The following PRKAR1B variants were observed in gnomAD, a reference collection of about 807,000 sequenced individuals.
The protein encoded by PRKAR1B is cAMP-dependent protein kinase type I-beta regulatory subunit.
In PRKAR1B, 22 loss-of-function variants were observed where a neutral mutation model predicts 46.5. The observed-to-expected ratio is 0.47, with a 90% confidence interval of 0.34 to 0.68. The LOEUF is 0.68. Ranked by LOEUF, PRKAR1B falls within the 30% of genes least tolerant of loss-of-function variation. PRKAR1B has a pLI of 0.01. For synonymous variants in PRKAR1B, 259 were observed against 217.7 expected (o/e 1.19, Z -1.67); for missense variants, 445 against 535.6 (o/e 0.83, Z 1.67).
intron 2 of PRKAR1B, among the ~76,000 whole-genome samples, chr7:691,345 AC>A (rs1779414510): frequency 6.6e-6 from 1 of 152,202 alleles, no homozygotes; most frequent in African/African-American, 2.4e-5. Context: ...CAAGATCAGG[AC>A]CTCTCTGCCA....
At chr7:726,464 G>T in intron 1 of PRKAR1B, 1 of 351,156 alleles carries the variant, frequency 2.8e-6, no homozygotes, top group Non-Finnish European at 5.1e-6. Context: ...CCCGCATCCC[G>T]GGCGAGCTGC....
chr7:654,087 A>C (rs2128491385), intron 4 of PRKAR1B, among the ~76,000 whole-genome samples: 1 of 151,436 alleles, frequency 6.6e-6, no homozygotes, highest in South Asian at 2.1e-4. Flanking sequence ...CACCATCTTC[A>C]TCACGATCCT....
chr7:606,029 A>G (rs1308340107), intron 6 of PRKAR1B, among the ~76,000 whole-genome samples, 164 bp downstream of exon 6: 3 of 152,208 alleles, frequency 2.0e-5, no homozygotes, highest in African/African-American at 4.8e-5. Flanking sequence ...TCATATTCCC[A>G]TATTCTCTTC....
intron 4 of PRKAR1B, among the ~76,000 whole-genome samples, chr7:624,048 C>T (rs748713204): frequency 1.3e-4 from 20 of 152,212 alleles, no homozygotes; most frequent in African/African-American, 3.1e-4. Flanking sequence ...CAGATACCCA[C>T]GCCAGCCCTG....
intron 4 of PRKAR1B, among the ~76,000 whole-genome samples, chr7:631,539 G>A (rs550156770): frequency 6.6e-5 from 10 of 152,334 alleles, no homozygotes; most frequent in African/African-American, 2.4e-4. Flanking sequence ...CACAGCCCGA[G>A]GGGGAGAAAA....
chr7:727,146 C>T lies in PRKAR1B; in HGVS notation c.-23+64G>A, dbSNP rs1464201003. The T allele has an allele frequency of 2.7e-5, 34 of 1,257,258 alleles. No individual in the cohort carries two copies. The highest frequency in any genetic ancestry group is 1.8e-4 in the East Asian group (5 of 27,040). The allele number at this position is 1,257,258 out of a possible 1,614,324, so 77.9% of individuals were successfully genotyped here. The stretch of plus-strand genomic sequence containing the variant: ...CGCCCGAGGCCTGTGAGGAGCTGCG[C>T]CTGGCGCTTGTGCAGCTGCTGGGCC... On this transcript the variant is annotated intron_variant, in intron 1 of 10. Coordinates refer to ENST00000537384, the MANE Select transcript of PRKAR1B (RefSeq NM_001164760.2).
intron 1 of PRKAR1B, among the ~76,000 whole-genome samples, chr7:712,256 C>T (rs1780683851): frequency 6.7e-6 from 1 of 149,648 alleles, no homozygotes; most frequent in Non-Finnish European, 1.5e-5. Flanking sequence ...TCAGCGCCGG[C>T]GAGGACCCTC....
chr7:682,389 G>C (rs1778737263), intron 2 of PRKAR1B, among the ~76,000 whole-genome samples: 1 of 152,088 alleles, frequency 6.6e-6, no homozygotes, highest in Admixed American at 6.6e-5. Context: ...AGCACTTAGG[G>C]AGGATCATTT....
chr7:685,376 A>G lies in PRKAR1B; in HGVS notation c.178-4650T>C, dbSNP rs868542982. Among the ~76,000 whole-genome samples the G allele has an allele frequency of 5.1e-3, 101 of 19,998 alleles. 17 individuals carry two copies. Among genetic ancestry groups the G allele is most frequent in the African/African-American group, 0.022 (94 of 4,198 alleles). The allele number at this position is 19,998 out of a possible 152,430, so 13.1% of individuals were successfully genotyped here. A position where few individuals can be genotyped will look rare whatever the true frequency, so the allele number is the denominator to read the frequency against. On this transcript the variant is annotated intron_variant, in intron 2 of 10. Transcript: ENST00000537384. ...TACATATATATATACACATATATAT[A>G]TATACATACATATATATATATATAT...
intron 4 of PRKAR1B, among the ~76,000 whole-genome samples, chr7:626,550 C>G (rs564961358): frequency 6.6e-6 from 1 of 152,272 alleles, no homozygotes; most frequent in Admixed American, 6.5e-5. Context: ...GATGTGTTCA[C>G]TAGTTAATTC....
intron 4 of PRKAR1B, among the ~76,000 whole-genome samples, chr7:640,995 C>T (rs893436992): frequency 1.6e-4 from 25 of 152,156 alleles, no homozygotes; most frequent in Middle Eastern, 3.4e-3. Context: ...ACTCTGTCGC[C>T]CAGGCTGGAG....
At chr7:727,488 AC>A (rs1423855743), upstream of PRKAR1B, 1 of 245,970 alleles carries the variant, frequency 4.1e-6, no homozygotes, top group African/African-American at 3.3e-5. Context: ...GCCCCAAAGC[AC>A]CCCGCCCGGC....
chr7:643,812 T>C (rs1046977595), intron 4 of PRKAR1B, among the ~76,000 whole-genome samples: 2 of 151,914 alleles, frequency 1.3e-5, no homozygotes, highest in African/African-American at 2.4e-5. Context: ...GCGGCCATGT[T>C]GTGAGGGAGC....
intron 9 of PRKAR1B, among the ~76,000 whole-genome samples, chr7:574,290 A>T (rs368486081): frequency 7.9e-5 from 12 of 152,382 alleles, no homozygotes; most frequent in South Asian, 4.1e-4. Flanking sequence ...GACGGCTGAG[A>T]AGCCGAGAGC....
chr7:554,166 C>T (rs757853065), intron 9 of PRKAR1B, among the ~76,000 whole-genome samples: 1 of 152,246 alleles, frequency 6.6e-6, no homozygotes, highest in Non-Finnish European at 1.5e-5. Flanking sequence ...AACTCCTGGG[C>T]TCTGAAGCCA....
rs2128499315 is a variant in PRKAR1B, at chr7:667,428, G to C, written c.440+9801C>G. The stretch of plus-strand genomic sequence containing the variant: ...TTTTAAACACACCTTAAATTCTGTG[G>C]TATCTGAGTGAGATTGTGTGTGCAT... On this transcript the variant is annotated intron_variant, in intron 4 of 10. Coordinates refer to ENST00000537384, the MANE Select transcript of PRKAR1B (RefSeq NM_001164760.2). This position sits in a 1 kb window ranked among gnomAD's most constrained non-coding sequence, Gnocchi z 4.3. Among the ~76,000 whole-genome samples the C allele has an allele frequency of 6.6e-6, 1 of 152,258 alleles. No homozygotes were observed.
intron 1 of PRKAR1B, among the ~76,000 whole-genome samples, chr7:724,716 C>T (rs1053219785): frequency 1.3e-5 from 2 of 152,204 alleles, no homozygotes; most frequent in Non-Finnish European, 2.9e-5. Context: ...AGGACCACCA[C>T]GGTTAAACAC....
intron 2 of PRKAR1B, among the ~76,000 whole-genome samples, chr7:699,609 A>G (rs1323101679): frequency 1.3e-5 from 2 of 152,194 alleles, no homozygotes; most frequent in Non-Finnish European, 2.9e-5. Context: ...GAGCTCACCC[A>G]AGACAGGGTC....
At chr7:641,576 GA>G (rs1784392059) in intron 4 of PRKAR1B, among the ~76,000 whole-genome samples, 1 of 152,156 alleles carries the variant, frequency 6.6e-6, no homozygotes, top group African/African-American at 2.4e-5. Flanking sequence ...GCTCCAAACT[GA>G]CAACAACCCA....
Sources: gnomAD v4.1 joint callset for allele counts (sites outside exome capture counted in the v4.1 genomes callset) on GRCh38, gnomAD v4.1.1 for gene constraint, Gnocchi (gnomAD v3.1) non-coding constraint, MANE v1.5 for transcripts, NCBI Gene and HGNC (gene_info 2026-07-23, HGNC 2026-07-21) for gene names.